AKAP7: variants seen among roughly 807,000 people sequenced by gnomAD.
AKAP7 encodes A kinase (PRKA) anchor protein 7.
A neutral mutation model predicts 39.5 loss-of-function variants in AKAP7; 39 were observed. That is an observed-to-expected ratio of 0.99 (90% CI 0.76 to 1.29). The LOEUF is 1.29. Ranked by LOEUF, AKAP7 falls within the 50% of genes most tolerant of loss-of-function variation. AKAP7 has a pLI of 0.00. For synonymous variants in AKAP7, 140 were observed against 139.1 expected, an observed-to-expected ratio of 1.01 and a Z score of -0.05; for missense variants, 414 against 407.7, an observed-to-expected ratio of 1.02 and a Z score of -0.13.
intron 6 of AKAP7, among the ~76,000 whole-genome samples, chr6:131,204,037 A>T (rs931455169): frequency 1.3e-5 from 2 of 152,190 alleles, no homozygotes; most frequent in Non-Finnish European, 2.9e-5. Flanking sequence ...GTATGAGAAG[A>T]ACATTTGTTA....
At chr6:131,144,187 C>T (rs1355093666) in intron 1 of AKAP7, among the ~76,000 whole-genome samples, 3 of 147,880 alleles carry the variant, frequency 2.0e-5, no homozygotes, top group African/African-American at 2.5e-5. Flanking sequence ...GGCAACCATC[C>T]GATTTCTCAA....
chr6:131,262,988 G>C (rs564274562), intron 7 of AKAP7, among the ~76,000 whole-genome samples: 31 of 152,330 alleles, frequency 2.0e-4, no homozygotes, highest in African/African-American at 7.5e-4. Flanking sequence ...CAAAGGCTCA[G>C]ACGTCAGGGG....
chr6:131,152,164 A>G (rs979317220), intron 2 of AKAP7, among the ~76,000 whole-genome samples: 11 of 152,204 alleles, frequency 7.2e-5, no homozygotes, highest in Non-Finnish European at 8.8e-5. Flanking sequence ...GAATAAATTA[A>G]ATTTGTAAGA....
At chr6:131,231,193 T>G (rs1810594641) in intron 7 of AKAP7, among the ~76,000 whole-genome samples, 1 of 152,178 alleles carries the variant, frequency 6.6e-6, no homozygotes, top group African/African-American at 2.4e-5. Flanking sequence ...CCTCCTTTAA[T>G]TTCCATTTGA....
At chr6:131,197,319 C>T (rs992443083) in intron 5 of AKAP7, among the ~76,000 whole-genome samples, 2 of 152,062 alleles carry the variant, frequency 1.3e-5, no homozygotes, top group Admixed American at 1.3e-4. Context: ...TTTATTTCTT[C>T]GTATTTTCCT....
intron 7 of AKAP7, among the ~76,000 whole-genome samples, chr6:131,279,660 AC>A (rs1177252053): frequency 6.6e-6 from 1 of 152,138 alleles, no homozygotes; most frequent in Non-Finnish European, 1.5e-5. Flanking sequence ...GGAACATTAG[AC>A]CCAAAAGGGA....
intron 7 of AKAP7, among the ~76,000 whole-genome samples, chr6:131,233,500 T>A (rs550230598): frequency 6.6e-6 from 1 of 152,346 alleles, no homozygotes; most frequent in East Asian, 1.9e-4. Context: ...TGCCTGGACA[T>A]ACTCAGTGTT....
At position 131,219,716 on chromosome 6, in the gene AKAP7, G is replaced by A. The variant is rs1005571118; in HGVS notation, c.758G>A (p.Gly253Glu). The stretch of plus-strand genomic sequence containing the variant: ...GAAAAGTTTATCAGTCACAGATTTG[G>A]AGAAGAAATATTATATCGCATAGAT... ...LYEKFISHRFGEEILYRIDLC... is the reference protein window; with the variant it reads ...LYEKFISHRFEEEILYRIDLC... The change falls in exon 7 of 8, where the codon GGA becomes GAA. Residue 253 changes from glycine to glutamate, a missense_variant. By Grantham distance (98) the Gly-to-Glu change is moderately conservative. Coordinates refer to ENST00000431975, the MANE Select transcript of AKAP7 (RefSeq NM_016377.4). The A allele has an allele frequency of 8.8e-6, 14 of 1,598,040 alleles. No homozygotes were observed. The highest frequency in any genetic ancestry group is 1.4e-5 in the African/African-American group (1 of 74,060).
rs1815308507 is a variant in AKAP7 at position 131,282,833 on chromosome 6, T to C, written c.*1107T>C. 5.0e-6 allele frequency: 2 copies of C among 401,260 alleles called. No individual in the cohort carries two copies. The highest frequency in any genetic ancestry group is 3.9e-5 in the East Asian group (1 of 25,372). The allele number at this position is 401,260 out of a possible 1,614,324, so 24.9% of individuals were successfully genotyped here. ...TTCTGTAATATTGAGAGTTATTTTA[T>C]AGAAATGATTTCTTAATTAGCTGTT... On this transcript the variant is annotated 3_prime_UTR_variant, in exon 8 of 8. Coordinates refer to ENST00000431975, the MANE Select transcript of AKAP7 (RefSeq NM_016377.4).
rs148985368 is a variant in AKAP7 at position 131,231,361 on chromosome 6, G to GT, written c.850+11562dup. Among the ~76,000 whole-genome samples, 2,182 of 150,536 alleles carry GT rather than the reference G, an allele frequency of 0.014. 140 individuals are homozygous for GT. The East Asian group carries it at 0.18, about 12-fold the overall frequency. ...TGATAGGCAGGACCAAAACATTTGC[G>GT]TTTTTTTTTCTTTCTTTGCACAGGC... On this transcript the variant is annotated intron_variant, in intron 7 of 7. Transcript: ENST00000431975.
At chr6:131,266,006 C>A (rs1813768075) in intron 7 of AKAP7, among the ~76,000 whole-genome samples, 1 of 152,154 alleles carries the variant, frequency 6.6e-6, no homozygotes, top group Non-Finnish European at 1.5e-5. Context: ...GCTTAATGAG[C>A]AGGACACTAG....
chr6:131,130,665 T>C (rs771949182), upstream of AKAP7, among the ~76,000 whole-genome samples: 1 of 152,204 alleles, frequency 6.6e-6, no homozygotes, highest in Non-Finnish European at 1.5e-5. Context: ...GCCAGGTGAA[T>C]TAGCAGGCAG....
chr6:131,263,972 C>G (rs1052869962), intron 7 of AKAP7, among the ~76,000 whole-genome samples: 7 of 152,142 alleles, frequency 4.6e-5, no homozygotes, highest in Non-Finnish European at 1.0e-4. Flanking sequence ...GGATTTGCAC[C>G]TCCATAATCT....
chr6:131,184,773 T>C, intron 5 of AKAP7: 4 of 1,242,912 alleles, frequency 3.2e-6, no homozygotes, highest in Non-Finnish European at 4.7e-6. Context: ...GTTGGGAGTC[T>C]TCTTTGTCCT....
chr6:131,258,722 A>G (rs910391068), intron 7 of AKAP7, among the ~76,000 whole-genome samples: 2 of 152,256 alleles, frequency 1.3e-5, no homozygotes, highest in Non-Finnish European at 2.9e-5. Context: ...AACTTAAATT[A>G]TATGGTAACT....
chr6:131,247,146 C>A (rs1158246925), intron 7 of AKAP7, among the ~76,000 whole-genome samples: 4 of 151,394 alleles, frequency 2.6e-5, no homozygotes, highest in African/African-American at 7.3e-5. Context: ...TCTTGAATTT[C>A]TCCATTGTTT....
At chr6:131,174,331 T>C (rs1371924454) in intron 5 of AKAP7, among the ~76,000 whole-genome samples, 1 of 152,268 alleles carries the variant, frequency 6.6e-6, no homozygotes, top group Non-Finnish European at 1.5e-5. Context: ...GTGTCAGGCA[T>C]TGAAGTTTAG....
rs1202770072 is a variant in AKAP7, at chr6:131,241,589, G to A, written c.850+21781G>A. 2.5e-3 allele frequency among the ~76,000 whole-genome samples: 161 copies of A among 64,428 alleles called. 7 individuals carry two copies. The highest frequency in any genetic ancestry group is 8.6e-3 in the Middle Eastern group (1 of 116). The allele number at this position is 64,428 out of a possible 152,430, so 42.3% of individuals were successfully genotyped here. On this transcript the variant is annotated intron_variant, in intron 7 of 7. Coordinates refer to ENST00000431975, the MANE Select transcript of AKAP7 (RefSeq NM_016377.4). ...ATAGATTATATATATGTGTGTGTGT[G>A]TGTGTGTGTGTGTGTGTGTGTGTGT...
At chr6:131,274,154 A>C (rs1235582214) in intron 7 of AKAP7, among the ~76,000 whole-genome samples, 2 of 150,768 alleles carry the variant, frequency 1.3e-5, no homozygotes, top group Admixed American at 6.6e-5. Context: ...CTGTTTTAAG[A>C]TTTTCTTTTA....
Sources: gnomAD v4.1 joint callset for allele counts (sites outside exome capture counted in the v4.1 genomes callset) on GRCh38, gnomAD v4.1.1 for gene constraint, MANE v1.5 for transcripts, NCBI Gene and HGNC (gene_info 2026-07-23, HGNC 2026-07-21) for gene names.